Variants in MSI2 observed in about 807,000 individuals in gnomAD.
The protein encoded by MSI2 is RNA-binding protein Musashi homolog 2.
In MSI2, 17 loss-of-function variants were observed where a neutral mutation model predicts 45.6. The observed-to-expected ratio is 0.37, with a 90% confidence interval of 0.26 to 0.56. MSI2 has a LOEUF of 0.56. MSI2 is among the 20% of genes least tolerant of loss of function. The probability of loss-of-function intolerance (pLI) is 0.77; values close to 1 mark genes in which losing one functional copy is unlikely to be tolerated. For synonymous variants in MSI2, 156 were observed against 158.2 expected (o/e 0.99, Z 0.11); for missense variants, 293 against 444.2 (o/e 0.66, Z 3.06).
chr17:57,578,575 G>A (rs927609588), intron 7 of MSI2, among the ~76,000 whole-genome samples: 1 of 151,980 alleles, frequency 6.6e-6, no homozygotes, highest in Non-Finnish European at 1.5e-5. Context: ...GGAAGGGGAC[G>A]GGAGAAGGAT....
chr17:57,665,208 T>A (rs1912278147), intron 11 of MSI2, among the ~76,000 whole-genome samples: 1 of 152,156 alleles, frequency 6.6e-6, no homozygotes, highest in African/African-American at 2.4e-5. Context: ...GTTTTTGTCC[T>A]CATAGAGGGA....
rs576017738 is a variant in MSI2, at chr17:57,656,548, G to C, written c.790+4387G>C. On this transcript the variant is annotated intron_variant, in intron 11 of 13. Transcript: ENST00000284073. The stretch of plus-strand genomic sequence containing the variant: ...TGGGGTGGAGGGGAAATGAGACATG[G>C]TAAGGAAGGGATTGAGATCTTGAGA... 2.8e-3 allele frequency among the ~76,000 whole-genome samples: 430 copies of C among 152,264 alleles called. 5 individuals are homozygous for C. Among genetic ancestry groups the C allele is most frequent in the Non-Finnish European group, 5.6e-4 (38 of 68,034 alleles).
At chr17:57,328,586 G>A (rs1035143246) in intron 5 of MSI2, among the ~76,000 whole-genome samples, 2 of 152,158 alleles carry the variant, frequency 1.3e-5, no homozygotes, top group African/African-American at 2.4e-5. Flanking sequence ...AGTTTTTGCC[G>A]GTTACACACA....
rs1911258737 is a variant in MSI2 at position 57,652,700 on chromosome 17, C to A, written c.790+539C>A. On this transcript the variant is annotated intron_variant, in intron 11 of 13. Transcript: ENST00000284073. This position sits in a 1 kb window ranked among gnomAD's most constrained non-coding sequence, Gnocchi z 4.1. ...CTGTTTCTGGAGCCGCTGTGCCTCC[C>A]AGACTCTTCTTAGCCAGACTCCTCA... 6.6e-6 allele frequency among the ~76,000 whole-genome samples: 1 copy of A among 152,244 alleles called. No individual in the cohort carries two copies. The highest frequency in any genetic ancestry group is 6.5e-5 in the Admixed American group (1 of 15,282).
At chr17:57,585,864 C>T (rs1197333517) in intron 7 of MSI2, among the ~76,000 whole-genome samples, 1 of 152,242 alleles carries the variant, frequency 6.6e-6, no homozygotes, top group Non-Finnish European at 1.5e-5. Flanking sequence ...GGAGGCGGCA[C>T]GTCCTCGTGC....
chr17:57,576,072 A>C (rs1387479995), intron 7 of MSI2, among the ~76,000 whole-genome samples: 1 of 151,956 alleles, frequency 6.6e-6, no homozygotes, highest in Non-Finnish European at 1.5e-5. Context: ...GAACTGATTT[A>C]GTTTTTAGGA....
At chr17:57,507,836 G>A (rs1043030070) in intron 6 of MSI2, among the ~76,000 whole-genome samples, 4 of 152,112 alleles carry the variant, frequency 2.6e-5, no homozygotes, top group Non-Finnish European at 5.9e-5. Context: ...TTTGTAGGAC[G>A]GGTCTTGTTG....
At position 57,659,566 on chromosome 17, in the gene MSI2, C is replaced by T. The variant is rs559627300; in HGVS notation, c.790+7405C>T. On this transcript the variant is annotated intron_variant, in intron 11 of 13. Transcript: ENST00000284073. ...GCCATGTGACTTATTTAAAATCACA[C>T]ACCTGGTTACCGGAGAGCAAGGCTT... 9.2e-5 allele frequency among the ~76,000 whole-genome samples: 14 copies of T among 152,256 alleles called. No homozygotes were observed. In the South Asian group the frequency reaches 2.7e-3, roughly 29 times the overall value.
At chr17:57,674,140 C>A (rs1913037662) in intron 11 of MSI2, among the ~76,000 whole-genome samples, 1 of 151,268 alleles carries the variant, frequency 6.6e-6, no homozygotes, top group Non-Finnish European at 1.5e-5. Flanking sequence ...CTCTCTGCCG[C>A]CATCATTACT....
intron 7 of MSI2, among the ~76,000 whole-genome samples, chr17:57,578,478 G>C (rs867946282): frequency 1.7e-4 from 26 of 151,786 alleles, no homozygotes; most frequent in African/African-American, 5.1e-4. Flanking sequence ...TGCCAGGACT[G>C]GGGGGGTAGG....
intron 6 of MSI2, among the ~76,000 whole-genome samples, chr17:57,451,588 A>G (rs2085020416): frequency 1.3e-5 from 2 of 152,162 alleles, no homozygotes; most frequent in African/African-American, 2.4e-5. Context: ...CTGTTGCTGG[A>G]TCTTCACAGA....
intron 6 of MSI2, among the ~76,000 whole-genome samples, chr17:57,498,096 G>T (rs1048245298): frequency 6.6e-6 from 1 of 152,176 alleles, no homozygotes; most frequent in Admixed American, 6.5e-5. Flanking sequence ...AGCAGATCTG[G>T]TCCTAGTAGC....
chr17:57,281,400 A>G (rs959620222), intron 5 of MSI2, among the ~76,000 whole-genome samples: 1 of 152,114 alleles, frequency 6.6e-6, no homozygotes, highest in African/African-American at 2.4e-5. Context: ...ATACTTCCCT[A>G]CTGAACTCCA....
chr17:57,527,689 G>A (rs1330269325), intron 6 of MSI2, among the ~76,000 whole-genome samples: 1 of 152,190 alleles, frequency 6.6e-6, no homozygotes, highest in Non-Finnish European at 1.5e-5. Flanking sequence ...TTCAGGCTTG[G>A]TTGCTTAGCA....
intron 8 of MSI2, among the ~76,000 whole-genome samples, chr17:57,603,169 A>C (rs1367585933): frequency 2.0e-5 from 3 of 152,230 alleles, no homozygotes; most frequent in Non-Finnish European, 4.4e-5. Flanking sequence ...AAGATCTCCC[A>C]GAGGAAGCTC....
intron 6 of MSI2, among the ~76,000 whole-genome samples, chr17:57,456,568 C>A (rs184205605): frequency 6.6e-6 from 1 of 152,118 alleles, no homozygotes; most frequent in Admixed American, 6.5e-5. Context: ...GCACTCCAGC[C>A]TGGGCGACAG....
chr17:57,479,574 G>A (rs1370945716), intron 6 of MSI2, among the ~76,000 whole-genome samples: 1 of 152,178 alleles, frequency 6.6e-6, no homozygotes, highest in Admixed American at 6.5e-5. Context: ...TTCTTTCAAT[G>A]AAGAGCAGGA....
At chr17:57,696,625 C>T in the MSI2 span, among the ~76,000 whole-genome samples, 2 of 152,054 alleles carry the variant, frequency 1.3e-5, no homozygotes, top group Non-Finnish European at 2.9e-5. Context: ...ATTCCAGCTG[C>T]TTGGGAGGCT....
At chr17:57,279,019 CAG>C (rs1379463173) in intron 5 of MSI2, 1 of 152,024 alleles carries the variant, frequency 6.6e-6, no homozygotes, top group East Asian at 1.9e-4. Flanking sequence ...CTTTTCAGGG[CAG>C]ACCTGATACA....
Sources: allele counts gnomAD v4.1 joint callset (sites outside exome capture counted in the v4.1 genomes callset), GRCh38; gene constraint gnomAD v4.1.1; non-coding constraint Gnocchi (gnomAD v3.1); transcripts MANE v1.5; gene names NCBI Gene and HGNC (gene_info 2026-07-23, HGNC 2026-07-21).